Variants in NTM observed in about 807,000 individuals in gnomAD.
NTM encodes the protein neurotrimin.
NTM carries 13 observed loss-of-function variants against 42.1 expected under a neutral mutation model. The observed-to-expected ratio is 0.31, with a 90% CI of 0.20 to 0.49. The LOEUF is 0.49. Ranked by LOEUF, NTM falls within the 20% of genes least tolerant of loss-of-function variation. The pLI is 0.99. For synonymous variants in NTM, 187 were observed against 179.2 expected (o/e 1.04, Z -0.35); for missense variants, 373 against 452.8 (o/e 0.82, Z 1.60).
At chr11:131,851,155 T>C (rs538181153) in intron 1 of NTM, among the ~76,000 whole-genome samples, 3 of 152,246 alleles carry the variant, frequency 2.0e-5, no homozygotes, top group African/African-American at 7.2e-5. Context: ...TATATAATTA[T>C]TGGGGTCAAA....
intron 2 of NTM, among the ~76,000 whole-genome samples, chr11:131,980,510 T>C (rs1287480330): frequency 1.3e-5 from 2 of 152,272 alleles, no homozygotes; most frequent in Non-Finnish European, 2.9e-5. Flanking sequence ...GGCTTACTTA[T>C]TGAATTTTCT....
chr11:132,273,309 GTTT>G (rs57877862), intron 4 of NTM, among the ~76,000 whole-genome samples: 55 of 55,668 alleles, frequency 9.9e-4, no homozygotes, highest in African/African-American at 4.0e-3. Context: ...GTTGACTAGT[GTTT>G]TTTTTTTTTT....
chr11:131,991,014 A>G (rs2066920618), intron 2 of NTM, among the ~76,000 whole-genome samples: 1 of 152,192 alleles, frequency 6.6e-6, no homozygotes. Context: ...AAGGAAAACC[A>G]GTACTGCACA....
chr11:131,764,570 C>A (rs1565518291), intron 1 of NTM, among the ~76,000 whole-genome samples: 1 of 152,152 alleles, frequency 6.6e-6, no homozygotes. Flanking sequence ...TGACCTTGAG[C>A]AAATTACCTA....
chr11:132,194,138 T>C (rs992048594), intron 3 of NTM, among the ~76,000 whole-genome samples: 18 of 48,400 alleles, frequency 3.7e-4, no homozygotes, highest in African/African-American at 1.7e-3. Flanking sequence ...AAAGACACAA[T>C]GAAACAAACA....
intron 4 of NTM, among the ~76,000 whole-genome samples, chr11:132,273,008 T>C (rs1036201793): frequency 1.3e-5 from 2 of 152,058 alleles, no homozygotes; most frequent in African/African-American, 4.8e-5. Flanking sequence ...TTTTGTTTTG[T>C]TTTTGTTTTT....
intron 1 of NTM, among the ~76,000 whole-genome samples, chr11:131,712,613 A>AT (rs552963623): frequency 0.014 from 2,028 of 146,236 alleles, 20 homozygotes; most frequent in Middle Eastern, 0.049. Flanking sequence ...GAGACAAGTG[A>AT]TTTTTTTTTT....
chr11:131,954,363 C>G (rs914379442), intron 2 of NTM, among the ~76,000 whole-genome samples: 2 of 152,208 alleles, frequency 1.3e-5, no homozygotes, highest in African/African-American at 4.8e-5. Flanking sequence ...CTTCCCATCA[C>G]AGCAGTGAGG....
chr11:132,148,670 C>T (rs1010753370), intron 3 of NTM, among the ~76,000 whole-genome samples: 5 of 152,192 alleles, frequency 3.3e-5, no homozygotes, highest in Admixed American at 3.3e-4. Context: ...CACACCCCCA[C>T]ACCCCTGCCC....
intron 1 of NTM, among the ~76,000 whole-genome samples, chr11:131,373,982 G>A (rs1025980653): frequency 6.6e-6 from 1 of 152,210 alleles, no homozygotes; most frequent in Admixed American, 6.5e-5. Context: ...TTCCTGCCAT[G>A]CACAGTACAC....
At chr11:131,628,922 G>A (rs1042272614) in intron 1 of NTM, among the ~76,000 whole-genome samples, 1 of 152,254 alleles carries the variant, frequency 6.6e-6, no homozygotes, top group Admixed American at 6.5e-5. Flanking sequence ...GGCGGAGAGT[G>A]TGGCAGGAGA....
At chr11:131,408,705 A>T (rs1192322610) in intron 1 of NTM, among the ~76,000 whole-genome samples, 4 of 152,140 alleles carry the variant, frequency 2.6e-5, no homozygotes, top group African/African-American at 4.8e-5. Context: ...GCACACAAAG[A>T]TTCTAACTCA....
chr11:132,078,301 C>T (rs550775513), intron 2 of NTM, among the ~76,000 whole-genome samples: 23 of 152,198 alleles, frequency 1.5e-4, no homozygotes, highest in Admixed American at 3.9e-4. Context: ...CACGGATGTG[C>T]GGCTTCGAAC....
intron 1 of NTM, among the ~76,000 whole-genome samples, chr11:131,717,552 A>G (rs1211145875): frequency 1.3e-5 from 2 of 152,206 alleles, no homozygotes; most frequent in Non-Finnish European, 2.9e-5. Context: ...TAGAAATACA[A>G]CTGATTTTTG....
At chr11:131,394,684 C>T (rs1340159328) in intron 1 of NTM, among the ~76,000 whole-genome samples, 4 of 152,124 alleles carry the variant, frequency 2.6e-5, no homozygotes, top group Non-Finnish European at 1.5e-5. Flanking sequence ...AAGAAGAGCC[C>T]TTTTCTAAAG....
At chr11:131,504,136 T>C (rs2047189154) in intron 1 of NTM, among the ~76,000 whole-genome samples, 1 of 152,156 alleles carries the variant, frequency 6.6e-6, no homozygotes, top group Non-Finnish European at 1.5e-5. Flanking sequence ...CTGGACACTG[T>C]GGCTTGTCCC....
At chr11:131,581,264 G>A (rs1320688534) in intron 1 of NTM, among the ~76,000 whole-genome samples, 24 of 152,160 alleles carry the variant, frequency 1.6e-4, no homozygotes, top group Admixed American at 1.6e-3. Flanking sequence ...TTTTCCTCTT[G>A]CTCTCCAAAT....
At chr11:131,418,173 A>G (rs1425015859) in intron 1 of NTM, among the ~76,000 whole-genome samples, 1 of 152,176 alleles carries the variant, frequency 6.6e-6, no homozygotes, top group Non-Finnish European at 1.5e-5. Context: ...TTTTTGCCAC[A>G]TGACTAGACT....
At position 132,314,536 on chromosome 11, in the gene NTM, C is replaced by CTT; in HGVS notation, c.783-13_783-12dup. Reference sequence around the variant, plus strand: ...ACCATCTTGTTTTCTTCTTTTTTGTCTTTTGTTTCTCTCAGACTGATTGAA... The same window carrying CTT: ...ACCATCTTGTTTTCTTCTTTTTTGTCTTTTTTGTTTCTCTCAGACTGATTGAA... On this transcript the variant is annotated splice_polypyrimidine_tract_variant and intron_variant, in intron 6 of 8. Transcript: ENST00000683400. 2 of 1,597,382 alleles carry CTT rather than the reference C, an allele frequency of 1.3e-6. No individual in the cohort carries two copies. Among genetic ancestry groups the CTT allele is most frequent in the Non-Finnish European group, 1.7e-6 (2 of 1,173,468 alleles).
Sources: allele counts gnomAD v4.1 joint callset (sites outside exome capture counted in the v4.1 genomes callset), GRCh38; gene constraint gnomAD v4.1.1; transcripts MANE v1.5; gene names NCBI Gene and HGNC (gene_info 2026-07-23, HGNC 2026-07-21).